The following DCDC1 variants were observed in gnomAD, a reference collection of about 807,000 sequenced individuals.
DCDC1 encodes doublecortin domain containing 1, also known as doublecortin domain-containing protein 1.
Under a neutral mutation model 178.3 loss-of-function variants are expected in DCDC1, and 200 were observed. That is an observed-to-expected ratio of 1.12 (90% CI 1.00 to 1.26). The LOEUF (loss-of-function observed/expected upper bound fraction) is 1.26. Ranked by LOEUF, DCDC1 falls within the 50% of genes most tolerant of loss-of-function variation. The pLI is 0.00. For missense variants in DCDC1, 1,983 were observed against 1,749.2 expected, an observed-to-expected ratio of 1.13 and a Z score of -2.38; for synonymous variants, 690 against 604.8, an observed-to-expected ratio of 1.14 and a Z score of -2.07.
intron 9 of DCDC1, among the ~76,000 whole-genome samples, chr11:31,147,401 T>G (rs2136071154): frequency 6.6e-6 from 1 of 152,332 alleles, no homozygotes; most frequent in East Asian, 1.9e-4. Context: ...GCAAGGATAT[T>G]GTCTTGTTGG....
chr11:30,969,488 C>A (rs961495709), intron 20 of DCDC1, among the ~76,000 whole-genome samples: 4 of 152,126 alleles, frequency 2.6e-5, no homozygotes, highest in Non-Finnish European at 5.9e-5. Context: ...CTCAATGATA[C>A]TGATTTTTAA....
At chr11:31,216,437 T>G (rs2136620652) in intron 9 of DCDC1, among the ~76,000 whole-genome samples, 1 of 152,242 alleles carries the variant, frequency 6.6e-6, no homozygotes, top group Non-Finnish European at 1.5e-5. Flanking sequence ...AGCAGAACTT[T>G]GACTTGTTCA....
chr11:31,215,653 C>A (rs970209225), intron 9 of DCDC1, among the ~76,000 whole-genome samples: 8 of 151,880 alleles, frequency 5.3e-5, no homozygotes, highest in Admixed American at 2.6e-4. Context: ...ATTAGCCGGG[C>A]ATGGTGGTGT....
chr11:30,922,966 G>A (rs1946345328), intron 23 of DCDC1, among the ~76,000 whole-genome samples: 1 of 140,916 alleles, frequency 7.1e-6, no homozygotes, highest in Admixed American at 7.2e-5. Flanking sequence ...GGGAAGGAAG[G>A]AAGAAAAGAG....
chr11:31,344,872 T>G (rs1019084197), intron 1 of DCDC1, among the ~76,000 whole-genome samples: 18 of 152,222 alleles, frequency 1.2e-4, no homozygotes, highest in Non-Finnish European at 2.9e-5. Context: ...ACAGTCTCTA[T>G]TTCTCATTTT....
At chr11:31,053,322 G>A (rs546108432) in intron 20 of DCDC1, among the ~76,000 whole-genome samples, 88 of 152,164 alleles carry the variant, frequency 5.8e-4, no homozygotes, top group African/African-American at 2.1e-3. Context: ...CAAGCAGTGA[G>A]ATTGAAATGG....
intron 18 of DCDC1, among the ~76,000 whole-genome samples, chr11:31,066,487 AC>A (rs1268211452): frequency 6.6e-6 from 1 of 152,214 alleles, no homozygotes; most frequent in African/African-American, 2.4e-5. Flanking sequence ...ATTCTAAAAA[AC>A]AAAAATTATG....
intron 1 of DCDC1, among the ~76,000 whole-genome samples, chr11:31,341,492 T>C (rs995160224): frequency 6.6e-6 from 1 of 152,078 alleles, no homozygotes; most frequent in African/African-American, 2.4e-5. Context: ...CATTAGGTGA[T>C]TTCACTGGGC....
At chr11:30,981,267 C>T (rs901755231) in intron 20 of DCDC1, among the ~76,000 whole-genome samples, 3 of 152,066 alleles carry the variant, frequency 2.0e-5, no homozygotes, top group African/African-American at 7.2e-5. Context: ...GATGGGCACA[C>T]TAGAACCCCA....
At chr11:31,045,953 C>T (rs529099033) in intron 20 of DCDC1, among the ~76,000 whole-genome samples, 62 of 152,292 alleles carry the variant, frequency 4.1e-4, no homozygotes, top group South Asian at 3.1e-3. Context: ...AAGAAATTCA[C>T]ACTGGTACAA....
intron 17 of DCDC1, among the ~76,000 whole-genome samples, chr11:31,081,728 C>T (rs940357796): frequency 6.6e-6 from 1 of 152,126 alleles, no homozygotes. Flanking sequence ...CTAGAAAATT[C>T]TACTAAAACC....
At chr11:31,147,979 G>A (rs1480617193) in intron 9 of DCDC1, among the ~76,000 whole-genome samples, 1 of 152,082 alleles carries the variant, frequency 6.6e-6, no homozygotes, top group Non-Finnish European at 1.5e-5. Flanking sequence ...CTGGGGTCAG[G>A]GGCCCACCCC....
chr11:31,269,432 G>C (rs1355680375), intron 7 of DCDC1, among the ~76,000 whole-genome samples: 1 of 151,430 alleles, frequency 6.6e-6, no homozygotes, highest in African/African-American at 2.4e-5. Flanking sequence ...ACCCAGGCTG[G>C]AGTGCAGTGG....
At chr11:31,013,300 AT>A (rs1258142070) in intron 20 of DCDC1, among the ~76,000 whole-genome samples, 1 of 152,196 alleles carries the variant, frequency 6.6e-6, no homozygotes, top group African/African-American at 2.4e-5. Context: ...AATATTCATA[AT>A]AAAGACATTA....
At chr11:31,185,548 G>T (rs1428755165) in intron 9 of DCDC1, among the ~76,000 whole-genome samples, 1 of 152,070 alleles carries the variant, frequency 6.6e-6, no homozygotes, top group African/African-American at 2.4e-5. Context: ...ACCAACTTTA[G>T]CTTCCAAAAC....
At chr11:31,000,785 C>A (rs939166123) in intron 20 of DCDC1, among the ~76,000 whole-genome samples, 7 of 150,832 alleles carry the variant, frequency 4.6e-5, no homozygotes, top group Non-Finnish European at 1.5e-5. Flanking sequence ...AGGAAGAAAA[C>A]CAAGAGTATG....
intron 9 of DCDC1, among the ~76,000 whole-genome samples, chr11:31,190,539 A>G (rs964892690): frequency 3.9e-5 from 6 of 152,150 alleles, no homozygotes; most frequent in African/African-American, 1.4e-4. Context: ...AAACACTGCT[A>G]TAATGAATGA....
At chr11:31,284,827 C>G (rs893082093) in intron 7 of DCDC1, among the ~76,000 whole-genome samples, 12 of 151,770 alleles carry the variant, frequency 7.9e-5, no homozygotes, top group African/African-American at 2.9e-4. Context: ...TTAGTAGAGA[C>G]AGGGTTTCAC....
At chr11:31,080,684 A>G (rs1957117101) in intron 17 of DCDC1, among the ~76,000 whole-genome samples, 3 of 152,172 alleles carry the variant, frequency 2.0e-5, no homozygotes, top group African/African-American at 7.2e-5. Context: ...CTCTTTTCAA[A>G]ATAATAAAAA....
Sources: gnomAD v4.1 joint callset for allele counts (sites outside exome capture counted in the v4.1 genomes callset) on GRCh38, gnomAD v4.1.1 for gene constraint, MANE v1.5 for transcripts, NCBI Gene and HGNC (gene_info 2026-07-23, HGNC 2026-07-21) for gene names.